ITGA11: variants seen among roughly 807,000 people sequenced by gnomAD.
ITGA11 encodes integrin subunit alpha 11.
ITGA11 carries 97 observed loss-of-function variants against 141.9 expected under a neutral mutation model. That is an observed-to-expected ratio of 0.68 (90% CI 0.58 to 0.81). ITGA11 has a LOEUF of 0.81. Among genes scored for constraint, ITGA11 ranks in the 30% least tolerant of loss-of-function variants. The probability of loss-of-function intolerance (pLI) is 0.00; values close to 1 mark genes in which losing one functional copy is unlikely to be tolerated. For synonymous variants in ITGA11, 658 were observed against 624.6 expected (o/e 1.05, Z -0.80); for missense variants, 1,387 against 1,559.2 (o/e 0.89, Z 1.86).
In ITGA11 at chr15:68,321,406, G is replaced by C. The variant is rs377096057; in HGVS notation, c.2408+12C>G. The C allele has an allele frequency of 2.6e-6, 4 of 1,550,756 alleles. No homozygotes were observed. Among genetic ancestry groups the C allele is most frequent in the Non-Finnish European group, 3.5e-6 (4 of 1,143,500 alleles). On this transcript the variant is annotated intron_variant, in intron 19 of 29. Coordinates refer to ENST00000315757, the MANE Select transcript of ITGA11 (RefSeq NM_001004439.2). This position sits in a 1 kb window ranked among gnomAD's most constrained non-coding sequence, Gnocchi z 4.9. ...GAAGGGGCGAGGGTGGGGGTGGAAGGAGCCAACTCACATGGCCGTGGGCAG... is the reference window on the plus strand; with the variant it reads ...GAAGGGGCGAGGGTGGGGGTGGAAGCAGCCAACTCACATGGCCGTGGGCAG...
rs72743228 is a variant in ITGA11 at position 68,322,389 on chromosome 15, G to A, written c.2323-886C>T. Among the ~76,000 whole-genome samples, 21,836 of 152,052 alleles carry A rather than the reference G, an allele frequency of 0.14. 1,621 individuals carry two copies. Among genetic ancestry groups the A allele is most frequent in the Middle Eastern group, 0.16 (48 of 294 alleles). ...CATTGAGGAGGCTGCCACAACATTC[G>A]GGCAAGAGATGACGCTGGTGTCGGT... On this transcript the variant is annotated intron_variant, in intron 18 of 29. Coordinates refer to ENST00000315757, the MANE Select transcript of ITGA11 (RefSeq NM_001004439.2). The surrounding 1 kb of genome is among the most constrained non-coding windows in gnomAD (Gnocchi z 5.6).
intron 2 of ITGA11, among the ~76,000 whole-genome samples, chr15:68,390,610 G>A (rs1355536369): frequency 1.3e-5 from 2 of 152,174 alleles, no homozygotes; most frequent in African/African-American, 2.4e-5. Context: ...CTGAGGTGTC[G>A]GAAGCCAGGT....
chr15:68,317,075 G>A (rs1329925047), intron 21 of ITGA11, among the ~76,000 whole-genome samples, 190 bp downstream of exon 21: 1 of 152,182 alleles, frequency 6.6e-6, no homozygotes, highest in Non-Finnish European at 1.5e-5. Context: ...CTGCTAGCAT[G>A]GGGATGGCTG....
At chr15:68,408,568 G>A (rs1595895436) in intron 1 of ITGA11, among the ~76,000 whole-genome samples, 1 of 152,090 alleles carries the variant, frequency 6.6e-6, no homozygotes, top group South Asian at 2.1e-4. Context: ...GAGTGCAAGT[G>A]TGCCCTGCAA....
chr15:68,337,607 G>A (rs891666041), intron 11 of ITGA11, among the ~76,000 whole-genome samples: 6 of 152,186 alleles, frequency 3.9e-5, no homozygotes, highest in Non-Finnish European at 7.3e-5. Flanking sequence ...GGCCTCATGA[G>A]TGTCCATCAG....
intron 26 of ITGA11, among the ~76,000 whole-genome samples, chr15:68,310,315 C>G (rs1893340271): frequency 6.6e-6 from 1 of 152,156 alleles, no homozygotes; most frequent in African/African-American, 2.4e-5. Flanking sequence ...GTGCTGCCCA[C>G]CCCAACCCCA....
chr15:68,408,560 G>A (rs548144058), intron 1 of ITGA11, among the ~76,000 whole-genome samples: 17 of 152,210 alleles, frequency 1.1e-4, no homozygotes, highest in Admixed American at 2.6e-4. Context: ...AGCACGTGGA[G>A]TGCAAGTGTG....
At chr15:68,377,789 G>C (rs1895765145) in intron 2 of ITGA11, among the ~76,000 whole-genome samples, 1 of 152,236 alleles carries the variant, frequency 6.6e-6, no homozygotes, top group Admixed American at 6.5e-5. Flanking sequence ...CCGTTGGACT[G>C]TGTGACTAGG....
intron 2 of ITGA11, among the ~76,000 whole-genome samples, chr15:68,376,554 G>C (rs941033287): frequency 6.6e-6 from 1 of 152,222 alleles, no homozygotes; most frequent in African/African-American, 2.4e-5. Context: ...TGCAGTTTTT[G>C]TATGAGCTGG....
intron 1 of ITGA11, among the ~76,000 whole-genome samples, chr15:68,414,922 C>T (rs1467850245): frequency 6.6e-6 from 1 of 152,200 alleles, no homozygotes; most frequent in Non-Finnish European, 1.5e-5. Context: ...CCTGGTGATG[C>T]CAAGCCAGTT....
intron 14 of ITGA11, 56 bp from the exon 15 acceptor site, chr15:68,331,167 G>A: frequency 6.8e-7 from 1 of 1,468,008 alleles, no homozygotes. Flanking sequence ...GTGGGGGCGG[G>A]CGTCCCCGAG....
intron 3 of ITGA11, among the ~76,000 whole-genome samples, chr15:68,368,507 C>T (rs146061068): frequency 3.8e-4 from 58 of 152,216 alleles, no homozygotes; most frequent in African/African-American, 1.4e-3. Context: ...AGGAGGGCTT[C>T]GGAGGCTGGG....
intron 1 of ITGA11, among the ~76,000 whole-genome samples, chr15:68,425,696 C>T (rs553877642): frequency 7.2e-5 from 11 of 152,326 alleles, no homozygotes; most frequent in East Asian, 3.9e-4. Flanking sequence ...TCTAGAGCTA[C>T]GCCCACTTGC....
chr15:68,343,831 G>A (rs1567137294), intron 10 of ITGA11, among the ~76,000 whole-genome samples: 1 of 152,212 alleles, frequency 6.6e-6, no homozygotes, highest in African/African-American at 2.4e-5. Flanking sequence ...AGCTTGAAGT[G>A]GACCTGAGGA....
Position 68,299,715 on chromosome 15 carries a change from T to C in ITGA11, c.*3344A>G, listed in dbSNP as rs566842699. ...AGCCAGGGGACTGACTCAAGTCTAATGTCTTATTCTCAGACAGTATTGATG... is the reference window on the plus strand; with the variant it reads ...AGCCAGGGGACTGACTCAAGTCTAACGTCTTATTCTCAGACAGTATTGATG... On this transcript the variant is annotated 3_prime_UTR_variant, in exon 30 of 30. Transcript: ENST00000315757. 18 of 152,352 alleles carry C rather than the reference T, an allele frequency of 1.2e-4. No homozygotes were observed. Among genetic ancestry groups the C allele is most frequent in the Admixed American group, 2.0e-4 (3 of 15,312 alleles). 9.4% of individuals were successfully genotyped at this position (152,352 alleles called of 1,614,324 possible). A position where few individuals can be genotyped will look rare whatever the true frequency, so the allele number is the denominator to read the frequency against.
chr15:68,367,452 C>T (rs1895458776), intron 3 of ITGA11, among the ~76,000 whole-genome samples: 1 of 152,180 alleles, frequency 6.6e-6, no homozygotes, highest in Non-Finnish European at 1.5e-5. Flanking sequence ...GTCTGGAGTG[C>T]TCCGCCCCCA....
In ITGA11 at chr15:68,311,272, T is replaced by A. The variant is rs775972505; in HGVS notation, c.3087+18A>T. 7.2e-6 allele frequency: 11 copies of A among 1,529,410 alleles called. No homozygotes were observed. The highest frequency in any genetic ancestry group is 9.8e-6 in the Non-Finnish European group (11 of 1,125,120). 94.7% of individuals were successfully genotyped at this position (1,529,410 alleles called of 1,614,324 possible). A position where few individuals can be genotyped will look rare whatever the true frequency, so the allele number is the denominator to read the frequency against. On this transcript the variant is annotated intron_variant, in intron 25 of 29. Coordinates refer to ENST00000315757, the MANE Select transcript of ITGA11 (RefSeq NM_001004439.2). ...CTTCTGGTCCCCTCCCCTAGCCGGC[T>A]CCCAAGGCCATCACCACCTCGTCCG...
At chr15:68,403,071 C>T (rs1258820097) in intron 1 of ITGA11, 42 bp from the exon 2 acceptor site, 1 of 1,366,074 alleles carries the variant, frequency 7.3e-7, no homozygotes, top group East Asian at 2.3e-5. Context: ...GGGAGTCAGA[C>T]AGGCAGAGGT....
chr15:68,301,129 C>T lies in ITGA11; in HGVS notation c.*1930G>A, dbSNP rs1279794519. 1 of 152,218 alleles carries T rather than the reference C, an allele frequency of 6.6e-6. No individual in the cohort carries two copies. Among genetic ancestry groups the T allele is most frequent in the Non-Finnish European group, 1.5e-5 (1 of 68,044 alleles). The allele number at this position is 152,218 out of a possible 1,614,324, so 9.4% of individuals were successfully genotyped here. ...TTTTCACCTTTTGCTCCACATCAAGCCCTTCTAAGGCTGGGCTCGAATAAC... is the reference window on the plus strand; with the variant it reads ...TTTTCACCTTTTGCTCCACATCAAGTCCTTCTAAGGCTGGGCTCGAATAAC... On this transcript the variant is annotated 3_prime_UTR_variant, in exon 30 of 30. Coordinates refer to ENST00000315757, the MANE Select transcript of ITGA11 (RefSeq NM_001004439.2). The surrounding 1 kb of genome is among the most constrained non-coding windows in gnomAD (Gnocchi z 4.4).
Sources: gnomAD v4.1 joint callset for allele counts (sites outside exome capture counted in the v4.1 genomes callset) on GRCh38, gnomAD v4.1.1 for gene constraint, Gnocchi (gnomAD v3.1) non-coding constraint, MANE v1.5 for transcripts, NCBI Gene and HGNC (gene_info 2026-07-23, HGNC 2026-07-21) for gene names.